The following SYT2 variants were observed in gnomAD, a reference collection of about 807,000 sequenced individuals.
The protein encoded by SYT2 is synaptotagmin-2.
SYT2 carries 15 observed loss-of-function variants against 39.9 expected under a neutral mutation model. The observed-to-expected ratio is 0.38, with a 90% CI of 0.25 to 0.58. SYT2 has a LOEUF of 0.58. SYT2 is among the 20% of genes least tolerant of loss of function. The pLI is 0.70. For synonymous variants in SYT2, 181 were observed against 204.5 expected (o/e 0.89, Z 0.98); for missense variants, 389 against 530.3 (o/e 0.73, Z 2.62).
chr1:202,704,414 G>A (rs146819711), intron 1 of SYT2, among the ~76,000 whole-genome samples: 4 of 152,280 alleles, frequency 2.6e-5, no homozygotes, highest in African/African-American at 7.2e-5. Context: ...GCATTGGAGT[G>A]GAACGTGGAG....
At chr1:202,648,751 T>C (rs768704066) in intron 1 of SYT2, among the ~76,000 whole-genome samples, 12 of 152,130 alleles carry the variant, frequency 7.9e-5, no homozygotes, top group Non-Finnish European at 1.5e-4. Flanking sequence ...TCCAGACATA[T>C]AGAGAGGTTT....
At chr1:202,702,217 G>A (rs958111289) in intron 1 of SYT2, among the ~76,000 whole-genome samples, 7 of 152,216 alleles carry the variant, frequency 4.6e-5, no homozygotes, top group Admixed American at 2.6e-4. Flanking sequence ...AGCCTCAGAC[G>A]TCTGGGGCTG....
chr1:202,655,124 G>A (rs1439421602), intron 1 of SYT2, among the ~76,000 whole-genome samples: 1 of 152,136 alleles, frequency 6.6e-6, no homozygotes, highest in African/African-American at 2.4e-5. Context: ...CCTTAGAGGT[G>A]TCAAAGTGGA....
chr1:202,696,782 A>T (rs1653983941), intron 1 of SYT2, among the ~76,000 whole-genome samples: 1 of 152,234 alleles, frequency 6.6e-6, no homozygotes, highest in East Asian at 1.9e-4. Flanking sequence ...TAATATCATG[A>T]ATTTTCCTTC....
At chr1:202,616,549 C>T (rs554684946) in intron 1 of SYT2, among the ~76,000 whole-genome samples, 17 of 152,284 alleles carry the variant, frequency 1.1e-4, no homozygotes, top group Admixed American at 8.5e-4. Context: ...GTCCCCATTT[C>T]GTCACGTCCA....
intron 1 of SYT2, among the ~76,000 whole-genome samples, chr1:202,629,899 GCTCAGAA>G: frequency 2.0e-5 from 2 of 102,354 alleles, no homozygotes; most frequent in South Asian, 2.6e-4. Flanking sequence ...CAGGTGTGTT[GCTCAGAA>G]GTGACTCTGG....
intron 1 of SYT2, among the ~76,000 whole-genome samples, chr1:202,630,158 G>A (rs1245299142): frequency 6.6e-6 from 1 of 152,152 alleles, no homozygotes; most frequent in Non-Finnish European, 1.5e-5. Context: ...ATCCTTCTGG[G>A]GAATTTCTTT....
intron 1 of SYT2, among the ~76,000 whole-genome samples, chr1:202,608,282 C>CT (rs754166760): frequency 0.099 from 11,256 of 113,366 alleles, 895 homozygotes; most frequent in East Asian, 0.39. Flanking sequence ...AGATAGAAAA[C>CT]ATTTTTTTTT....
intron 1 of SYT2, among the ~76,000 whole-genome samples, chr1:202,609,460 TCGC>T (rs1420449609): frequency 1.3e-5 from 2 of 152,230 alleles, no homozygotes; most frequent in African/African-American, 4.8e-5. Context: ...CCCTGAGGAA[TCGC>T]CACACTGACT....
chr1:202,655,973 G>A (rs1465350556), intron 1 of SYT2, among the ~76,000 whole-genome samples: 1 of 152,124 alleles, frequency 6.6e-6, no homozygotes, highest in Non-Finnish European at 1.5e-5. Flanking sequence ...TTCCCTGTCT[G>A]AGCAGCAACA....
At chr1:202,709,225 A>C in intron 1 of SYT2, among the ~76,000 whole-genome samples, 1 of 151,290 alleles carries the variant, frequency 6.6e-6, no homozygotes, top group African/African-American at 2.4e-5. Flanking sequence ...CTGTCCTTGC[A>C]CTCCCTTCTC....
chr1:202,665,094 T>G (rs1692457387), intron 1 of SYT2, among the ~76,000 whole-genome samples: 1 of 152,236 alleles, frequency 6.6e-6, no homozygotes, highest in South Asian at 2.1e-4. Context: ...AATAATTTAT[T>G]TATGTATATT....
Position 202,601,162 on chromosome 1 carries a change from T to C in SYT2, c.802-688A>G, listed in dbSNP as rs61820901. On this transcript the variant is annotated intron_variant, in intron 6 of 8. Transcript: ENST00000367268. The surrounding 1 kb of genome is among the most constrained non-coding windows in gnomAD (Gnocchi z 4.0). ...CAGGCTGAGGACCCAGGGCTCCTAA[T>C]TCCTAAGGCCAACACCACACTGCAG... 3.3e-4 allele frequency among the ~76,000 whole-genome samples: 51 copies of C among 152,296 alleles called. No individual in the cohort carries two copies. Among genetic ancestry groups the C allele is most frequent in the Non-Finnish European group, 6.9e-4 (47 of 68,022 alleles).
At chr1:202,704,462 G>T (rs1654198975) in intron 1 of SYT2, among the ~76,000 whole-genome samples, 1 of 152,188 alleles carries the variant, frequency 6.6e-6, no homozygotes, top group African/African-American at 2.4e-5. Context: ...AGGAAGGAAT[G>T]GGGTGCTCTG....
At chr1:202,695,771 T>A (rs993827067) in intron 1 of SYT2, among the ~76,000 whole-genome samples, 1 of 152,172 alleles carries the variant, frequency 6.6e-6, no homozygotes, top group African/African-American at 2.4e-5. Flanking sequence ...CGCCCCTGCC[T>A]CCATGCAAAA....
intron 1 of SYT2, among the ~76,000 whole-genome samples, chr1:202,669,159 T>G (rs1692535771): frequency 6.6e-6 from 1 of 152,206 alleles, no homozygotes; most frequent in Admixed American, 6.5e-5. Context: ...AGACAAAATC[T>G]TTGCATCTCT....
At chr1:202,688,326 C>A (rs185633008) in intron 1 of SYT2, among the ~76,000 whole-genome samples, 112 of 152,308 alleles carry the variant, frequency 7.4e-4, no homozygotes, top group Non-Finnish European at 2.1e-4. Flanking sequence ...GGTTTTTATT[C>A]ATTCCTTAGC....
intron 1 of SYT2, among the ~76,000 whole-genome samples, chr1:202,696,323 C>A (rs1157908103): frequency 6.6e-6 from 1 of 152,046 alleles, no homozygotes; most frequent in African/African-American, 2.4e-5. Flanking sequence ...GATCTGACAC[C>A]CCATGAAAAG....
chr1:202,604,302 G>A lies in SYT2; in HGVS notation c.345+153C>T, dbSNP rs188342785. 3.4e-4 allele frequency: 241 copies of A among 714,824 alleles called. 3 individuals carry two copies. In the East Asian group the frequency reaches 5.5e-3, roughly 16 times the overall value. The allele number at this position is 714,824 out of a possible 1,614,324, so 44.3% of individuals were successfully genotyped here. A position where few individuals can be genotyped will look rare whatever the true frequency, so the allele number is the denominator to read the frequency against. On this transcript the variant is annotated intron_variant, in intron 3 of 8. Transcript: ENST00000367268. ...CCCTCCCAGGGGCCTCCAGGTAGAC[G>A]GTGTTATACTAGAGATGTAACTGAG...
Sources: gnomAD v4.1 joint callset for allele counts (sites outside exome capture counted in the v4.1 genomes callset) on GRCh38, gnomAD v4.1.1 for gene constraint, Gnocchi (gnomAD v3.1) non-coding constraint, MANE v1.5 for transcripts, NCBI Gene and HGNC (gene_info 2026-07-23, HGNC 2026-07-21) for gene names.